The following PCSK6 variants were observed in gnomAD, a reference collection of about 807,000 sequenced individuals.
The protein encoded by PCSK6 is paired basic amino acid cleaving enzyme 4.
In PCSK6, 85 loss-of-function variants were observed where a neutral mutation model predicts 123.3. That is an observed-to-expected ratio of 0.69 (90% CI 0.58 to 0.83). PCSK6 has a LOEUF of 0.83. Among genes scored for constraint, PCSK6 ranks in the 40% least tolerant of loss-of-function variants. PCSK6 has a pLI of 0.00. For synonymous variants in PCSK6, 508 were observed against 516.0 expected, an observed-to-expected ratio of 0.98 and a Z score of 0.21; for missense variants, 1,191 against 1,282.3, an observed-to-expected ratio of 0.93 and a Z score of 1.09.
At chr15:101,415,904 G>GT (rs2055871982) in intron 6 of PCSK6, among the ~76,000 whole-genome samples, 1 of 152,192 alleles carries the variant, frequency 6.6e-6, no homozygotes, top group African/African-American at 2.4e-5. Context: ...ACGTGGAACT[G>GT]TAAGTCCAAT....
At chr15:101,403,439 AG>A (rs2042669285) in intron 6 of PCSK6, among the ~76,000 whole-genome samples, 2 of 124,094 alleles carry the variant, frequency 1.6e-5, no homozygotes, top group African/African-American at 9.4e-5. Flanking sequence ...AAAAAAAAAG[AG>A]AGAGAAAAAA....
rs200722606 is a variant in PCSK6 at position 101,324,994 on chromosome 15, G to A, written c.2233C>T (p.Arg745Cys). ...LGYFGDTAAR[R>C]CRRCHKGCET... ...CACCCCTTGTGGCACCGGCGACAGC[G>A]TCTTGCTGCTGTGTCCCCAAAGTAG... Residue 745 changes from arginine (R) to cysteine (C), a missense_variant, in exon 17 of 22, where the codon CGC becomes TGC. Physicochemically the swap from Arg to Cys is radical, Grantham distance 180 (BLOSUM62 -3). Around this residue, in one of 3 missense-constraint regions of PCSK6, gnomAD observed 630 missense variants for 631.4 expected, o/e 1.00. Transcript: ENST00000611716. The A allele has an allele frequency of 4.5e-4, 720 of 1,612,408 alleles. No homozygotes were observed. The highest frequency in any genetic ancestry group is 5.7e-4 in the Admixed American group (34 of 59,994).
At chr15:101,377,546 T>C (rs1281822548) in intron 11 of PCSK6, among the ~76,000 whole-genome samples, 1 of 152,228 alleles carries the variant, frequency 6.6e-6, no homozygotes, top group African/African-American at 2.4e-5. Context: ...TGGGGATTTT[T>C]ATATAAAGTG....
intron 13 of PCSK6, chr15:101,365,025 A>C: frequency 1.3e-6 from 1 of 777,080 alleles, no homozygotes; most frequent in South Asian, 1.3e-5. Flanking sequence ...GTTGATTTGC[A>C]ACAGGAGTCT....
At chr15:101,325,417 A>G (rs1183962793) in intron 16 of PCSK6, among the ~76,000 whole-genome samples, 1 of 152,156 alleles carries the variant, frequency 6.6e-6, no homozygotes, top group Non-Finnish European at 1.5e-5. Flanking sequence ...GCAGGGTGAC[A>G]GCCTTTGCAC....
chr15:101,358,632 A>G (rs2041117939), intron 13 of PCSK6, among the ~76,000 whole-genome samples: 1 of 152,222 alleles, frequency 6.6e-6, no homozygotes, highest in African/African-American at 2.4e-5. Flanking sequence ...TAGGATACGC[A>G]GACCTCCCAT....
rs57613156 is a variant in PCSK6, at chr15:101,316,910, G to GTTT, written c.2569+1406_2569+1408dup. On this transcript the variant is annotated intron_variant, in intron 19 of 21. Coordinates refer to ENST00000611716, the MANE Select transcript of PCSK6 (RefSeq NM_002570.5). ...ACTGGTTTAGCAGAGACTTAATTCTGTTTTTTTTTTTTTTTTTTTGACAGA... is the reference window on the plus strand; with the variant it reads ...ACTGGTTTAGCAGAGACTTAATTCTGTTTTTTTTTTTTTTTTTTTTTTGACAGA... Among the ~76,000 whole-genome samples the GTTT allele has an allele frequency of 1.1e-3, 130 of 114,934 alleles. 9 individuals carry two copies. The highest frequency in any genetic ancestry group is 4.7e-3 in the African/African-American group (120 of 25,388). The allele number at this position is 114,934 out of a possible 152,430, so 75.4% of individuals were successfully genotyped here. A position where few individuals can be genotyped will look rare whatever the true frequency, so the allele number is the denominator to read the frequency against.
In PCSK6 at chr15:101,338,299, G is replaced by A. The variant is rs570922133; in HGVS notation, c.1859-6268C>T. On this transcript the variant is annotated intron_variant, in intron 13 of 21. Coordinates refer to ENST00000611716, the MANE Select transcript of PCSK6 (RefSeq NM_002570.5). ...GACTAAGGCAGAGACACACAGGAAT[G>A]AGCTTCTTGGAGGCTTTAGTTTTCA... 2.6e-5 allele frequency among the ~76,000 whole-genome samples: 4 copies of A among 152,308 alleles called. No homozygotes were observed. The South Asian group carries it at 8.3e-4, about 32-fold the overall frequency.
intron 13 of PCSK6, among the ~76,000 whole-genome samples, chr15:101,351,672 T>C (rs761384186): frequency 5.3e-5 from 8 of 152,146 alleles, no homozygotes; most frequent in Admixed American, 2.6e-4. Context: ...ACTTATGTGA[T>C]ATGTCAATAT....
At chr15:101,488,047 T>C (rs2058060238) in intron 1 of PCSK6, among the ~76,000 whole-genome samples, 1 of 152,206 alleles carries the variant, frequency 6.6e-6, no homozygotes, top group Non-Finnish European at 1.5e-5. Flanking sequence ...TTCATTCGAA[T>C]GGTGGAATCC....
intron 2 of PCSK6, among the ~76,000 whole-genome samples, chr15:101,433,358 TG>T (rs2056504775): frequency 6.6e-6 from 1 of 152,260 alleles, no homozygotes; most frequent in South Asian, 2.1e-4. Context: ...AAAAGGATCT[TG>T]GGGTAAAGAC....
chr15:101,412,714 A>ATATATATATATATATATATAT (rs1326677557), intron 6 of PCSK6, among the ~76,000 whole-genome samples: 2 of 113,846 alleles, frequency 1.8e-5, no homozygotes, highest in Non-Finnish European at 1.9e-5. Flanking sequence ...TATATATATA[A>ATATATATATATATATATATAT]AATTACCCAA....
chr15:101,322,649 C>T (rs1450680612), intron 17 of PCSK6, 42 bp from the exon 18 acceptor site: 3 of 1,284,132 alleles, frequency 2.3e-6, no homozygotes, highest in African/African-American at 2.9e-5. Context: ...AGGGACGACA[C>T]TGACAGGAAT....
At chr15:101,472,786 C>T (rs538225453) in intron 1 of PCSK6, among the ~76,000 whole-genome samples, 2 of 152,352 alleles carry the variant, frequency 1.3e-5, no homozygotes, top group African/African-American at 4.8e-5. Context: ...TGGGTTAAGA[C>T]AGGATTTTCT....
intron 10 of PCSK6, among the ~76,000 whole-genome samples, chr15:101,383,324 C>T (rs537308665): frequency 4.8e-5 from 7 of 146,584 alleles, no homozygotes; most frequent in South Asian, 2.2e-4. Flanking sequence ...GAAGGAAAAT[C>T]GTTTGAACGC....
chr15:101,426,537 C>T (rs1002584936), intron 6 of PCSK6, among the ~76,000 whole-genome samples: 6 of 152,220 alleles, frequency 3.9e-5, no homozygotes, highest in African/African-American at 1.2e-4. Context: ...TTCTGCAGAA[C>T]GCGCCCTTGG....
intron 11 of PCSK6, among the ~76,000 whole-genome samples, chr15:101,374,433 C>A (rs2041676386): frequency 6.6e-6 from 1 of 152,234 alleles, no homozygotes; most frequent in African/African-American, 2.4e-5. Context: ...TGGGAAGCTA[C>A]TCCATGTCAG....
chr15:101,337,551 G>C (rs1186283593), intron 13 of PCSK6: 1 of 151,974 alleles, frequency 6.6e-6, no homozygotes, highest in African/African-American at 2.4e-5. Context: ...TTTCCTCCTG[G>C]GCTCTTTCCT....
chr15:101,489,273 GCGGGGC>G lies in PCSK6; in HGVS notation c.297+95_297+100del, dbSNP rs1219891166. On this transcript the variant is annotated intron_variant, in intron 1 of 21. Transcript: ENST00000611716. ...GGTCCCGGAGCCTTCCCACGCGCGCGCGGGGCCGGGGCCGGGCGGACAGGACTGCGG... is the reference window on the plus strand; with the variant it reads ...GGTCCCGGAGCCTTCCCACGCGCGCGCGGGGCCGGGCGGACAGGACTGCGG... 96 of 782,592 alleles carry G rather than the reference GCGGGGC, an allele frequency of 1.2e-4. 1 individual carries two copies. The highest frequency in any genetic ancestry group is 1.5e-4 in the Non-Finnish European group (95 of 641,936). 48.5% of individuals were successfully genotyped at this position (782,592 alleles called of 1,614,324 possible).
Sources: gnomAD v4.1 joint callset for allele counts (sites outside exome capture counted in the v4.1 genomes callset) on GRCh38, gnomAD v4.1.1 for gene constraint, gnomAD v4.1.1 regional missense constraint, MANE v1.5 for transcripts, NCBI Gene and HGNC (gene_info 2026-07-23, HGNC 2026-07-21) for gene names.